Variants in PARD3B observed in about 807,000 individuals in gnomAD.
PARD3B encodes partitioning defective 3 homolog B.
A neutral mutation model predicts 130.2 loss-of-function variants in PARD3B; 103 were observed. The observed-to-expected ratio is 0.79, with a 90% CI of 0.67 to 0.93. The LOEUF (loss-of-function observed/expected upper bound fraction) is 0.93. Among genes scored for constraint, PARD3B ranks in the 40% least tolerant of loss-of-function variants. PARD3B has a pLI of 0.00. For missense variants in PARD3B, 1,609 were observed against 1,499.2 expected (o/e 1.07, Z -1.21); for synonymous variants, 583 against 553.2 (o/e 1.05, Z -0.76).
At chr2:204,736,467 A>C (rs2125352283) in intron 2 of PARD3B, among the ~76,000 whole-genome samples, 1 of 151,538 alleles carries the variant, frequency 6.6e-6, no homozygotes, top group South Asian at 2.1e-4. Context: ...CTATTATATC[A>C]CTCTGCATGC....
In PARD3B at chr2:204,965,415, T is replaced by C. The variant is rs191457392; in HGVS notation, c.394+92T>C. The C allele has an allele frequency of 5.7e-4, 741 of 1,290,970 alleles. 4 individuals carry two copies. The African/African-American group carries it at 0.01, about 18-fold the overall frequency. The allele number at this position is 1,290,970 out of a possible 1,614,324, so 80.0% of individuals were successfully genotyped here. ...TGTTTCTTCTTTGTGACTTTCATCC[T>C]GTTAATATTTTATATCGTGGTTTAT... On this transcript the variant is annotated intron_variant, in intron 3 of 22. Coordinates refer to ENST00000406610, the MANE Select transcript of PARD3B (RefSeq NM_001302769.2).
chr2:205,434,573 G>A (rs1272690305), intron 19 of PARD3B, among the ~76,000 whole-genome samples: 3 of 152,064 alleles, frequency 2.0e-5, no homozygotes, highest in Non-Finnish European at 2.9e-5. Flanking sequence ...GAGTTGAAGA[G>A]GAGACAAAGA....
intron 18 of PARD3B, among the ~76,000 whole-genome samples, chr2:205,315,911 T>C (rs952307558): frequency 2.0e-5 from 3 of 152,228 alleles, no homozygotes; most frequent in African/African-American, 7.2e-5. Context: ...AGTTTTTCCA[T>C]TGAGTACTTC....
chr2:204,764,857 C>A (rs562429263), intron 2 of PARD3B, among the ~76,000 whole-genome samples: 1 of 152,156 alleles, frequency 6.6e-6, no homozygotes, highest in South Asian at 2.1e-4. Flanking sequence ...CATTCCTTCC[C>A]TCCTCCCTCC....
rs6733855 is a variant in PARD3B, at chr2:205,070,571, A to T, written c.504+22881A>T. ...TGAAAGTCGTACTAAAGCCTTGCTT[A>T]AATGTAAGTTAAACATTTTAGCAAT... On this transcript the variant is annotated intron_variant, in intron 4 of 22. Transcript: ENST00000406610. Among the ~76,000 whole-genome samples the T allele has an allele frequency of 5.4e-3, 826 of 152,256 alleles. 7 individuals are homozygous for T. Among genetic ancestry groups the T allele is most frequent in the African/African-American group, 0.019 (785 of 41,550 alleles).
intron 20 of PARD3B, among the ~76,000 whole-genome samples, chr2:205,488,325 C>T (rs1370026381): frequency 6.6e-6 from 1 of 152,044 alleles, no homozygotes. Context: ...GACCATGCAA[C>T]CTACATCCCT....
At chr2:205,522,406 T>G (rs1205128705) in intron 21 of PARD3B, among the ~76,000 whole-genome samples, 1 of 152,048 alleles carries the variant, frequency 6.6e-6, no homozygotes, top group Non-Finnish European at 1.5e-5. Flanking sequence ...TAATGTATGG[T>G]TTTAAGCTCT....
At chr2:204,787,093 T>A (rs1207145564) in intron 2 of PARD3B, among the ~76,000 whole-genome samples, 1 of 152,018 alleles carries the variant, frequency 6.6e-6, no homozygotes, top group African/African-American at 2.4e-5. Flanking sequence ...TATTGCAGCC[T>A]AGGAGTTACT....
At chr2:204,562,728 A>G (rs1393393986) in intron 1 of PARD3B, among the ~76,000 whole-genome samples, 1 of 152,168 alleles carries the variant, frequency 6.6e-6, no homozygotes, top group Non-Finnish European at 1.5e-5. Flanking sequence ...AGACACATTT[A>G]TAGAGATTCA....
At chr2:205,124,304 A>G (rs905700187) in intron 8 of PARD3B, 23 bp from the exon 9 acceptor site, 6 of 1,481,038 alleles carry the variant, frequency 4.1e-6, no homozygotes, top group Admixed American at 2.1e-5. Context: ...ATGACTATAC[A>G]TTTTCCTGTT....
intron 2 of PARD3B, among the ~76,000 whole-genome samples, chr2:204,932,451 A>G (rs974944171): frequency 2.0e-5 from 3 of 152,106 alleles, no homozygotes; most frequent in Non-Finnish European, 2.9e-5. Context: ...TTTGCATATG[A>G]CCAAGTTGCA....
rs1222796260 is a variant in PARD3B, at chr2:204,675,202, T to G, written c.121-10979T>G. Reference sequence around the variant, plus strand: ...TTTAAAATTACTTTGAGTCATTGTTTTTCAATATTATTAAATTAGTAATGG... The same window carrying G: ...TTTAAAATTACTTTGAGTCATTGTTGTTCAATATTATTAAATTAGTAATGG... On this transcript the variant is annotated intron_variant, in intron 1 of 22. Coordinates refer to ENST00000406610, the MANE Select transcript of PARD3B (RefSeq NM_001302769.2). The surrounding 1 kb of genome is among the most constrained non-coding windows in gnomAD (Gnocchi z 4.4). Among the ~76,000 whole-genome samples, 2 of 152,178 alleles carry G rather than the reference T, an allele frequency of 1.3e-5. No individual in the cohort carries two copies. Among genetic ancestry groups the G allele is most frequent in the African/African-American group, 4.8e-5 (2 of 41,454 alleles).
chr2:205,504,413 A>T (rs949891564), intron 21 of PARD3B, among the ~76,000 whole-genome samples: 1 of 152,230 alleles, frequency 6.6e-6, no homozygotes, highest in Non-Finnish European at 1.5e-5. Flanking sequence ...TAAACTAAAG[A>T]GCTTCTGCAC....
intron 18 of PARD3B, among the ~76,000 whole-genome samples, chr2:205,326,475 A>G (rs563102582): frequency 6.6e-6 from 1 of 152,294 alleles, no homozygotes; most frequent in African/African-American, 2.4e-5. Context: ...AGTGGAGGAG[A>G]TGACCAAGTC....
intron 1 of PARD3B, among the ~76,000 whole-genome samples, chr2:204,576,703 C>T (rs985928179): frequency 2.0e-5 from 3 of 152,102 alleles, no homozygotes; most frequent in Non-Finnish European, 4.4e-5. Flanking sequence ...ATAAACATGT[C>T]TAGTTTCTAC....
intron 16 of PARD3B, among the ~76,000 whole-genome samples, chr2:205,278,167 T>C (rs535851180): frequency 6.6e-6 from 1 of 152,228 alleles, no homozygotes; most frequent in South Asian, 2.1e-4. Flanking sequence ...ATTGGTGACC[T>C]TGGAGCTTTA....
At chr2:205,419,368 T>A (rs1176018410) in intron 19 of PARD3B, among the ~76,000 whole-genome samples, 2 of 152,174 alleles carry the variant, frequency 1.3e-5, no homozygotes, top group African/African-American at 2.4e-5. Flanking sequence ...CATGTAAAAC[T>A]GTGAATCTAT....
At chr2:205,428,536 G>A (rs2047222181) in intron 19 of PARD3B, among the ~76,000 whole-genome samples, 1 of 152,132 alleles carries the variant, frequency 6.6e-6, no homozygotes, top group African/African-American at 2.4e-5. Context: ...CCAGCCTCCA[G>A]AACTTTGAGA....
At chr2:204,801,396 G>C (rs2042562772) in intron 2 of PARD3B, among the ~76,000 whole-genome samples, 1 of 152,112 alleles carries the variant, frequency 6.6e-6, no homozygotes, top group Admixed American at 6.5e-5. Context: ...TCCTTGAGCA[G>C]TGATTTGTAG....
Sources: allele counts gnomAD v4.1 joint callset (sites outside exome capture counted in the v4.1 genomes callset), GRCh38; gene constraint gnomAD v4.1.1; non-coding constraint Gnocchi (gnomAD v3.1); transcripts MANE v1.5; gene names NCBI Gene and HGNC (gene_info 2026-07-23, HGNC 2026-07-21).